The following ARGFX variants were observed in gnomAD, a reference collection of about 807,000 sequenced individuals.
ARGFX encodes the protein arginine-fifty homeobox.
In ARGFX, 10 loss-of-function variants were observed where a neutral mutation model predicts 8.0. The observed-to-expected ratio is 1.25, with a 90% CI of 0.77 to 2.12. The LOEUF (loss-of-function observed/expected upper bound fraction) is 2.12, where lower values mean the gene tolerates loss of function less well. Ranked by LOEUF, ARGFX falls within the 30% of genes most tolerant of loss-of-function variation. ARGFX has a pLI of 0.00. For synonymous variants in ARGFX, 116 were observed against 117.8 expected, an observed-to-expected ratio of 0.98 and a Z score of 0.10; for missense variants, 282 against 324.3, an observed-to-expected ratio of 0.87 and a Z score of 1.00.
At chr3:121,574,760 G>C (rs1202925601) in intron 2 of ARGFX, among the ~76,000 whole-genome samples, 2 of 152,188 alleles carry the variant, frequency 1.3e-5, no homozygotes, top group East Asian at 3.8e-4. Context: ...CCCGGATTTA[G>C]GAGATGTGGA....
chr3:121,580,608 T>TA (rs1472341725), intron 3 of ARGFX, among the ~76,000 whole-genome samples: 31,774 of 106,556 alleles, frequency 0.3, 4,494 homozygotes, highest in Admixed American at 0.37. Context: ...ATATATATAT[T>TA]TTTTTTTTTT....
intron 2 of ARGFX, among the ~76,000 whole-genome samples, chr3:121,575,248 A>G (rs2048729424): frequency 6.6e-6 from 1 of 151,786 alleles, no homozygotes; most frequent in Non-Finnish European, 1.5e-5. Context: ...TAAACCTGGG[A>G]GACAGAGATT....
In ARGFX at chr3:121,589,627, C is replaced by T. The variant is rs1443907590; in HGVS notation, c.*3027C>T. On this transcript the variant is annotated 3_prime_UTR_variant, in exon 5 of 5. Coordinates refer to ENST00000334384, the MANE Select transcript of ARGFX (RefSeq NM_001012659.2). ...CTGAGCTCAAGTGATCCTCCCGTCT[C>T]AGCCTCCCAAAGGGCTGAGATTACA... 6.6e-6 allele frequency among the ~76,000 whole-genome samples: 1 copy of T among 152,166 alleles called. No homozygotes were observed. Among genetic ancestry groups the T allele is most frequent in the Admixed American group, 6.6e-5 (1 of 15,266 alleles).
Position 121,586,578 on chromosome 3 carries a change from T to G in ARGFX, c.926T>G (p.Met309Arg). 4 of 1,613,464 alleles carry G rather than the reference T, an allele frequency of 2.5e-6. No homozygotes were observed. Among genetic ancestry groups the G allele is most frequent in the Non-Finnish European group, 3.4e-6 (4 of 1,179,746 alleles). Residue 309 changes from methionine to arginine, a missense_variant, in exon 5 of 5, where the codon ATG (methionine) becomes AGG (arginine). By Grantham distance (91) the Met-to-Arg change is moderately conservative (BLOSUM62 -1). Transcript: ENST00000334384. ...DSLEFQKTSN[M>R]VDLGFL ...CTGGAATTCCAGAAAACCTCCAATA[T>G]GGTAGACTTGGGATTTCTCTGACCA...
At chr3:121,580,602 A>ATTTTT (rs1198950517) in intron 3 of ARGFX, among the ~76,000 whole-genome samples, 8 of 87,636 alleles carry the variant, frequency 9.1e-5, no homozygotes, top group African/African-American at 2.3e-4. Flanking sequence ...GTGTATATAT[A>ATTTTT]TATATTTTTT....
intron 4 of ARGFX, among the ~76,000 whole-genome samples, chr3:121,585,786 C>T (rs1411198018): frequency 6.6e-6 from 1 of 152,182 alleles, no homozygotes; most frequent in Non-Finnish European, 1.5e-5. Context: ...TATCTCTGAA[C>T]ACCCAGCACA....
chr3:121,576,488 G>A lies in ARGFX; in HGVS notation c.104-296G>A, dbSNP rs367726832. Among the ~76,000 whole-genome samples, 134 of 152,010 alleles carry A rather than the reference G, an allele frequency of 8.8e-4. 1 individual carries two copies. Among genetic ancestry groups the A allele is most frequent in the African/African-American group, 1.3e-3 (52 of 41,474 alleles). On this transcript the variant is annotated intron_variant, in intron 2 of 4. Coordinates refer to ENST00000334384, the MANE Select transcript of ARGFX (RefSeq NM_001012659.2). The stretch of plus-strand genomic sequence containing the variant: ...CGAGTAGCTGGGATTACAGGTGTGC[G>A]CCACCATGCCCAGCTAATTTTTGTA...
At chr3:121,585,142 C>G (rs1390682795) in intron 4 of ARGFX, 77 bp downstream of exon 4, 2 of 1,477,358 alleles carry the variant, frequency 1.4e-6, no homozygotes, top group Non-Finnish European at 1.8e-6. Context: ...TCCCCACCCT[C>G]TACCCCTGCC....
chr3:121,582,823 A>C (rs1356876179), intron 3 of ARGFX, among the ~76,000 whole-genome samples: 1 of 152,026 alleles, frequency 6.6e-6, no homozygotes, highest in Non-Finnish European at 1.5e-5. Context: ...CTCCCACCTC[A>C]GCCTCCCATA....
Position 121,587,964 on chromosome 3 carries a change from A to AAC in ARGFX, c.*1365_*1366insCA, listed in dbSNP as rs1227860627. 2.7e-5 allele frequency among the ~76,000 whole-genome samples: 4 copies of AAC among 150,526 alleles called. No homozygotes were observed. Among genetic ancestry groups the AAC allele is most frequent in the Non-Finnish European group, 5.9e-5 (4 of 67,712 alleles). On this transcript the variant is annotated 3_prime_UTR_variant, in exon 5 of 5. Transcript: ENST00000334384. ...TTTTAATATAGTACAATGAAAAAATAATATATATATATATAGTACAATGGT... is the reference window on the plus strand; with the variant it reads ...TTTTAATATAGTACAATGAAAAAATAACATATATATATATATAGTACAATGGT...
intron 2 of ARGFX, 77 bp from the exon 3 acceptor site, chr3:121,576,707 T>TTTTCTTTCTCTCTTTCTTTC (rs1553834277): frequency 8.1e-6 from 2 of 246,626 alleles, no homozygotes; most frequent in African/African-American, 5.3e-5. Context: ...CTTTCTTTCT[T>TTTTCTTTCTCTCTTTCTTTC]TTTCTTTCTT....
chr3:121,586,396 C>T lies in ARGFX; in HGVS notation c.744C>T (p.His248=), dbSNP rs757495563. 5 of 1,614,104 alleles carry T rather than the reference C, an allele frequency of 3.1e-6. No homozygotes were observed. The highest frequency in any genetic ancestry group is 1.3e-5 in the African/African-American group (1 of 74,946). ...ATGAGATATCCAGCTCTTCTTTCCACTGTCTGTATCAGTATCTCTCACCCA... is the reference window on the plus strand; with the variant it reads ...ATGAGATATCCAGCTCTTCTTTCCATTGTCTGTATCAGTATCTCTCACCCA... ...DENEISSSSF[H]CLYQYLSPTK... is the part of the protein sequence containing the mutation. Residue 248 remains histidine (H), a synonymous_variant, in exon 5 of 5, where the codon CAC becomes CAT. Transcript: ENST00000334384.
At chr3:121,584,245 AGG>A in intron 3 of ARGFX, among the ~76,000 whole-genome samples, 2 of 151,268 alleles carry the variant, frequency 1.3e-5, no homozygotes, top group Non-Finnish European at 3.0e-5. Context: ...GAAGGAAGGA[AGG>A]AAGGAAGGAA....
At position 121,585,812 on chromosome 3, in the gene ARGFX, C is replaced by T. The variant is rs556262930; in HGVS notation, c.370-210C>T. ...ACCCAGCACAAACCCTGAAACACAC[C>T]CGCTTCCTTCCTTTCTGGGGTCCCA... On this transcript the variant is annotated intron_variant, in intron 4 of 4. Coordinates refer to ENST00000334384, the MANE Select transcript of ARGFX (RefSeq NM_001012659.2). 1.5e-4 allele frequency among the ~76,000 whole-genome samples: 23 copies of T among 152,224 alleles called. No individual in the cohort carries two copies. The South Asian group carries it at 4.4e-3, about 29-fold the overall frequency.
At chr3:121,576,724 TTTCTTTCTTTCTTTC>T in intron 2 of ARGFX, 45 bp from the exon 3 acceptor site, 1 of 322,806 alleles carries the variant, frequency 3.1e-6, no homozygotes, top group Non-Finnish European at 6.0e-6. Context: ...TCTTTCTTTC[TTTCTTTCTTTCTTTC>T]TTTCTTTTTC....
chr3:121,577,799 G>A (rs2048752884), intron 3 of ARGFX, among the ~76,000 whole-genome samples: 1 of 151,632 alleles, frequency 6.6e-6, no homozygotes, highest in Admixed American at 6.6e-5. Context: ...TCATTTTTGT[G>A]TGTGTGGCAA....
chr3:121,587,038 C>T lies in ARGFX; in HGVS notation c.*438C>T, dbSNP rs1006598708. 6.6e-6 allele frequency among the ~76,000 whole-genome samples: 1 copy of T among 152,034 alleles called. No homozygotes were observed. The highest frequency in any genetic ancestry group is 1.9e-4 in the East Asian group (1 of 5,152). ...CTGAGTAGCTAGGACTACAGATGCT[C>T]GCCACCACACCTGGCTAATTTTTTT... On this transcript the variant is annotated 3_prime_UTR_variant, in exon 5 of 5. Coordinates refer to ENST00000334384, the MANE Select transcript of ARGFX (RefSeq NM_001012659.2).
In ARGFX at chr3:121,583,021, C is replaced by T. The variant is rs947431090; in HGVS notation, c.221-1896C>T. The stretch of plus-strand genomic sequence containing the variant: ...GTGCATGGCCAAATTTTGATAATTG[C>T]GGGATTTTTTTTTTTTTTTTTTTTT... On this transcript the variant is annotated intron_variant, in intron 3 of 4. Coordinates refer to ENST00000334384, the MANE Select transcript of ARGFX (RefSeq NM_001012659.2). 7.8e-5 allele frequency among the ~76,000 whole-genome samples: 10 copies of T among 128,282 alleles called. No individual in the cohort carries two copies. The East Asian group carries it at 1.0e-3, about 13-fold the overall frequency. The allele number at this position is 128,282 out of a possible 152,430, so 84.2% of individuals were successfully genotyped here.
intron 4 of ARGFX, 128 bp from the exon 5 acceptor site, chr3:121,585,894 C>T: frequency 3.4e-6 from 3 of 878,070 alleles, no homozygotes; most frequent in East Asian, 5.1e-5. Flanking sequence ...TCTGCTTTTG[C>T]AGAGCCCAGT....
Sources: gnomAD v4.1 joint callset for allele counts (sites outside exome capture counted in the v4.1 genomes callset) on GRCh38, gnomAD v4.1.1 for gene constraint, MANE v1.5 for transcripts, NCBI Gene and HGNC (gene_info 2026-07-23, HGNC 2026-07-21) for gene names.